The following ADAMTS12 variants were observed in gnomAD, a reference collection of about 807,000 sequenced individuals.
The protein encoded by ADAMTS12 is ADAM metallopeptidase with thrombospondin type 1 motif 12, also known as A disintegrin and metalloproteinase with thrombospondin motifs 12.
In ADAMTS12, 118 loss-of-function variants were observed where a neutral mutation model predicts 167.8. The observed-to-expected ratio is 0.70, with a 90% CI of 0.61 to 0.82. The LOEUF (loss-of-function observed/expected upper bound fraction) is 0.82. Ranked by LOEUF, ADAMTS12 falls within the 40% of genes least tolerant of loss-of-function variation. The pLI, the probability that ADAMTS12 is intolerant of heterozygous loss-of-function variation, is 0.00. For missense variants in ADAMTS12, 1,916 were observed against 1,998.8 expected (o/e 0.96, Z 0.79); for synonymous variants, 704 against 716.9 (o/e 0.98, Z 0.29).
chr5:33,601,176 C>T (rs1163074449), intron 16 of ADAMTS12, among the ~76,000 whole-genome samples: 1 of 150,924 alleles, frequency 6.6e-6, no homozygotes, highest in Non-Finnish European at 1.5e-5. Context: ...ACCATCAAAA[C>T]TGGAACTGGT....
chr5:33,629,188 C>T (rs1739800946), intron 13 of ADAMTS12, among the ~76,000 whole-genome samples: 1 of 152,048 alleles, frequency 6.6e-6, no homozygotes, highest in Non-Finnish European at 1.5e-5. Flanking sequence ...TCTTTTAGAT[C>T]TAAATACCTT....
rs531207949 is a variant in ADAMTS12, at chr5:33,791,193, G to T, written c.490-39645C>A. Among the ~76,000 whole-genome samples, 7 of 152,286 alleles carry T rather than the reference G, an allele frequency of 4.6e-5. No individual in the cohort carries two copies. In the East Asian group the frequency reaches 1.3e-3, roughly 29 times the overall value. On this transcript the variant is annotated intron_variant, in intron 2 of 23. Coordinates refer to ENST00000504830, the MANE Select transcript of ADAMTS12 (RefSeq NM_030955.4). The stretch of plus-strand genomic sequence containing the variant: ...TCTTGACTCTCAGCAAGAATTAGAT[G>T]TCTGGTAGTTATTGAGTTGGATGTT...
intron 6 of ADAMTS12, 143 bp from the exon 7 acceptor site, chr5:33,658,476 G>C: frequency 1.1e-6 from 1 of 887,082 alleles, no homozygotes; most frequent in Non-Finnish European, 1.6e-6. Context: ...ATGAATGTAG[G>C]CAGCAATTTT....
At chr5:33,773,254 C>T (rs1745809647) in intron 2 of ADAMTS12, among the ~76,000 whole-genome samples, 1 of 152,176 alleles carries the variant, frequency 6.6e-6, no homozygotes, top group Non-Finnish European at 1.5e-5. Context: ...GTCTACTTGA[C>T]ACTTAGGCCA....
rs112940491 is a variant in ADAMTS12 at position 33,554,501 on chromosome 5, T to C, written c.4126-5118A>G. Reference sequence around the variant, plus strand: ...TCAAGAGAGTGTGATGGTTTAGACATAGAAAAAATTATATCAACAGTAAAA... The same window carrying C: ...TCAAGAGAGTGTGATGGTTTAGACACAGAAAAAATTATATCAACAGTAAAA... On this transcript the variant is annotated intron_variant, in intron 20 of 23. Coordinates refer to ENST00000504830, the MANE Select transcript of ADAMTS12 (RefSeq NM_030955.4). 1.3e-3 allele frequency among the ~76,000 whole-genome samples: 203 copies of C among 152,270 alleles called. 1 individual carries two copies. Among genetic ancestry groups the C allele is most frequent in the Middle Eastern group, 3.4e-3 (1 of 294 alleles).
chr5:33,817,493 A>C (rs951518740), intron 2 of ADAMTS12, among the ~76,000 whole-genome samples: 1 of 152,148 alleles, frequency 6.6e-6, no homozygotes, highest in African/African-American at 2.4e-5. Context: ...GTTATTATGG[A>C]AAATACCAAA....
At chr5:33,784,878 T>C (rs902985460) in intron 2 of ADAMTS12, among the ~76,000 whole-genome samples, 1 of 152,072 alleles carries the variant, frequency 6.6e-6, no homozygotes, top group Non-Finnish European at 1.5e-5. Flanking sequence ...ATAAATGTTA[T>C]AAAGAAAAAC....
chr5:33,849,921 G>T (rs191359822), intron 2 of ADAMTS12, among the ~76,000 whole-genome samples: 42 of 151,930 alleles, frequency 2.8e-4, no homozygotes, highest in African/African-American at 1.0e-3. Context: ...TAGATAGCAT[G>T]TGTATATAAT....
intron 18 of ADAMTS12, among the ~76,000 whole-genome samples, chr5:33,582,133 T>TA (rs758550361): frequency 4.0e-4 from 61 of 151,316 alleles, no homozygotes; most frequent in African/African-American, 6.8e-4. Context: ...GCTAAGATAA[T>TA]AAAAAAAAAT....
intron 3 of ADAMTS12, among the ~76,000 whole-genome samples, chr5:33,713,590 G>T (rs1470947455): frequency 2.6e-5 from 4 of 151,938 alleles, no homozygotes; most frequent in Non-Finnish European, 4.4e-5. Context: ...ACTAATGTGG[G>T]TTCCAAATAA....
chr5:33,626,571 ATGG>A (rs1739626525), intron 13 of ADAMTS12, among the ~76,000 whole-genome samples: 1 of 118,128 alleles, frequency 8.5e-6, no homozygotes. Flanking sequence ...TGGTGATGTG[ATGG>A]TGGTGGTGAT....
At chr5:33,692,359 G>C (rs1020258666) in intron 3 of ADAMTS12, among the ~76,000 whole-genome samples, 3 of 152,196 alleles carry the variant, frequency 2.0e-5, no homozygotes, top group Non-Finnish European at 4.4e-5. Flanking sequence ...ATAGACAATA[G>C]AAGGAGCCTG....
intron 2 of ADAMTS12, among the ~76,000 whole-genome samples, chr5:33,773,356 C>T (rs1243129655): frequency 6.6e-6 from 1 of 152,166 alleles, no homozygotes; most frequent in Non-Finnish European, 1.5e-5. Flanking sequence ...TCTGTTTTCA[C>T]TCTTCTCACA....
intron 19 of ADAMTS12, among the ~76,000 whole-genome samples, chr5:33,570,092 T>C (rs554249535): frequency 6.6e-6 from 1 of 152,208 alleles, no homozygotes; most frequent in East Asian, 1.9e-4. Context: ...AATATGGGAC[T>C]ATGTGAAAAG....
chr5:33,730,441 CCT>C (rs1744155293), intron 3 of ADAMTS12, among the ~76,000 whole-genome samples: 1 of 151,802 alleles, frequency 6.6e-6, no homozygotes, highest in African/African-American at 2.4e-5. Context: ...TGTTTCCTTC[CCT>C]GTGTCTTCTC....
rs191597943 is a variant in ADAMTS12, at chr5:33,528,957, A to G, written c.4607-1591T>C. ...CTACTCAGGAGGCTGAGGCAGGAGAATCGCTTGAAACCGGAAGGTGGAGGT... is the reference window on the plus strand; with the variant it reads ...CTACTCAGGAGGCTGAGGCAGGAGAGTCGCTTGAAACCGGAAGGTGGAGGT... On this transcript the variant is annotated intron_variant, in intron 23 of 23. Coordinates refer to ENST00000504830, the MANE Select transcript of ADAMTS12 (RefSeq NM_030955.4). Among the ~76,000 whole-genome samples, 80 of 152,314 alleles carry G rather than the reference A, an allele frequency of 5.3e-4. No homozygotes were observed. The East Asian group carries it at 0.015, about 29-fold the overall frequency.
intron 2 of ADAMTS12, among the ~76,000 whole-genome samples, chr5:33,813,823 C>A (rs1747550019): frequency 6.6e-6 from 1 of 152,224 alleles, no homozygotes; most frequent in Non-Finnish European, 1.5e-5. Flanking sequence ...CCATGTGGAG[C>A]AGAGACATGC....
intron 2 of ADAMTS12, among the ~76,000 whole-genome samples, chr5:33,878,547 T>C (rs979185100): frequency 3.3e-5 from 5 of 152,192 alleles, no homozygotes; most frequent in Non-Finnish European, 5.9e-5. Flanking sequence ...AGGATAATGC[T>C]AAACAATATG....
chr5:33,593,672 G>A (rs1322411130), intron 17 of ADAMTS12, among the ~76,000 whole-genome samples: 1 of 151,992 alleles, frequency 6.6e-6, no homozygotes, highest in Non-Finnish European at 1.5e-5. Flanking sequence ...ACACACTGGG[G>A]CCTGTAGGGA....
Sources: allele counts gnomAD v4.1 joint callset (sites outside exome capture counted in the v4.1 genomes callset), GRCh38; gene constraint gnomAD v4.1.1; transcripts MANE v1.5; gene names NCBI Gene and HGNC (gene_info 2026-07-23, HGNC 2026-07-21).